The following HSF2BP variants were observed in gnomAD, a reference collection of about 807,000 sequenced individuals.
HSF2BP encodes heat shock transcription factor 2 binding protein.
In HSF2BP, 35 loss-of-function variants were observed where a neutral mutation model predicts 35.0. That is an observed-to-expected ratio of 1.00 (90% CI 0.76 to 1.32). The LOEUF (loss-of-function observed/expected upper bound fraction) is 1.32. Among genes scored for constraint, HSF2BP ranks in the 40% most tolerant of loss-of-function variants. The pLI is 0.00. For synonymous variants in HSF2BP, 114 were observed against 117.4 expected (o/e 0.97, Z 0.18); for missense variants, 326 against 321.7 (o/e 1.01, Z -0.10).
intron 4 of HSF2BP, among the ~76,000 whole-genome samples, chr21:43,642,795 CTTTTTTTTTTTTTTT>C (rs869086487): frequency 2.2e-5 from 2 of 92,128 alleles, no homozygotes; most frequent in African/African-American, 4.3e-5. Flanking sequence ...GGCTTCTTTT[CTTTTTTTTTTTTTTT>C]TTTTTTTGAG....
At chr21:43,623,659 A>G (rs931111477) in intron 6 of HSF2BP, among the ~76,000 whole-genome samples, 4 of 152,178 alleles carry the variant, frequency 2.6e-5, no homozygotes, top group African/African-American at 9.7e-5. Context: ...AAGGCTGGTG[A>G]TGAAGTCACC....
the HSF2BP span, among the ~76,000 whole-genome samples, chr21:43,468,074 C>G: frequency 7.0e-6 from 1 of 142,614 alleles, no homozygotes; most frequent in East Asian, 2.2e-4. Flanking sequence ...ATACCACAAA[C>G]CACACACAAC....
intron 5 of HSF2BP, among the ~76,000 whole-genome samples, chr21:43,631,259 C>T (rs2082452255): frequency 6.6e-6 from 1 of 152,142 alleles, no homozygotes; most frequent in African/African-American, 2.4e-5. Flanking sequence ...CACTGGTTTC[C>T]TGCCACACGT....
chr21:43,592,259 T>C lies in HSF2BP; in HGVS notation c.762A>G (p.Pro254=), dbSNP rs1305738927. 3 of 1,613,880 alleles carry C rather than the reference T, an allele frequency of 1.9e-6. No homozygotes were observed. Among genetic ancestry groups the C allele is most frequent in the Admixed American group, 3.3e-5 (2 of 60,014 alleles). The change falls in exon 8 of 9, where the codon CCA becomes CCG. Residue 254 remains proline, a synonymous_variant. Coordinates refer to ENST00000291560, the MANE Select transcript of HSF2BP (RefSeq NM_007031.2). The part of the protein sequence containing the change: ...LKGLKYISES[P]GFIPLLWWLL... ...GCCACCACAGCAAAGGGATGAATCC[T>C]GGACTCTCGCTGATGTATTTCAAGC...
At chr21:43,636,656 C>T (rs1451881135) in intron 4 of HSF2BP, among the ~76,000 whole-genome samples, 1 of 152,084 alleles carries the variant, frequency 6.6e-6, no homozygotes, top group African/African-American at 2.4e-5. Context: ...CTTTGAGAGG[C>T]CGAGGCAGGC....
chr21:43,656,587 T>G lies in HSF2BP; in HGVS notation c.187A>C (p.Asn63His). ...ATGACTGCTGAAAATGAAGACTCAC[T>G]TTTTTCTACAATCTTTAATTTCTGG... ...SFQKLKIVEKNLERKEQELEQ... is the reference protein window; with the variant it reads ...SFQKLKIVEKHLERKEQELEQ... Residue 63 changes from asparagine to histidine, a missense_variant and splice_region_variant, in exon 3 of 9, where the codon AAC (asparagine) becomes CAC (histidine). Transcript: ENST00000291560. The G allele has an allele frequency of 6.2e-7, 1 of 1,606,558 alleles. No individual in the cohort carries two copies. Among genetic ancestry groups the G allele is most frequent in the South Asian group, 1.1e-5 (1 of 88,476 alleles).
chr21:43,604,883 A>G (rs2082110231), intron 7 of HSF2BP, among the ~76,000 whole-genome samples: 1 of 139,604 alleles, frequency 7.2e-6, no homozygotes, highest in African/African-American at 2.7e-5. Flanking sequence ...CACACCATAC[A>G]CTACACACCA....
At chr21:43,646,302 C>A (rs1054952948) in intron 3 of HSF2BP, among the ~76,000 whole-genome samples, 4 of 152,034 alleles carry the variant, frequency 2.6e-5, no homozygotes, top group African/African-American at 9.7e-5. Context: ...TAATCCCAGC[C>A]AAAAAATCAA....
intron 8 of HSF2BP, among the ~76,000 whole-genome samples, chr21:43,587,665 C>CAAAAAAAAAAAAAAAAAAAAAAAAAAA (rs11292342): frequency 1.3e-5 from 1 of 79,098 alleles, no homozygotes; most frequent in African/African-American, 5.1e-5. Context: ...AATTCTGTCT[C>CAAAAAAAAAAAAAAAAAAAAAAAAAAA]AAAAAAAAAA....
intron 8 of HSF2BP, among the ~76,000 whole-genome samples, chr21:43,590,941 G>A (rs1462370521): frequency 6.6e-6 from 1 of 152,072 alleles, no homozygotes; most frequent in Non-Finnish European, 1.5e-5. Flanking sequence ...TAATTTTACA[G>A]GTGGACATTT....
At chr21:43,574,998 C>T (rs1309487714) in intron 8 of HSF2BP, among the ~76,000 whole-genome samples, 2 of 152,206 alleles carry the variant, frequency 1.3e-5, no homozygotes, top group East Asian at 1.9e-4. Context: ...TCACCGCATG[C>T]GCACAGGCAA....
At chr21:43,583,649 A>AAGGACCTGCTGAGGGAGATG (rs1265616755) in intron 8 of HSF2BP, among the ~76,000 whole-genome samples, 19 of 125,364 alleles carry the variant, frequency 1.5e-4, no homozygotes, top group Non-Finnish European at 2.7e-4. Context: ...GAGGGAGATG[A>AAGGACCTGCTGAGGGAGATG]AGGACCTGCT....
intron 4 of HSF2BP, among the ~76,000 whole-genome samples, chr21:43,637,768 G>A (rs1420605946): frequency 1.3e-5 from 2 of 150,434 alleles, no homozygotes; most frequent in Admixed American, 1.3e-4. Flanking sequence ...TCACACTACT[G>A]CACTCCAGCC....
intron 3 of HSF2BP, among the ~76,000 whole-genome samples, chr21:43,647,525 G>A (rs1426358886): frequency 2.6e-5 from 4 of 152,164 alleles, no homozygotes; most frequent in African/African-American, 2.4e-5. Context: ...GCTGCTGCAC[G>A]CAGTCCATAA....
chr21:43,574,421 G>A (rs1045462204), intron 8 of HSF2BP, among the ~76,000 whole-genome samples: 1 of 151,536 alleles, frequency 6.6e-6, no homozygotes, highest in Non-Finnish European at 1.5e-5. Flanking sequence ...GCAGTGGTGC[G>A]ATCTCGGATC....
intron 7 of HSF2BP, among the ~76,000 whole-genome samples, chr21:43,613,265 T>G (rs2082231651): frequency 6.6e-6 from 1 of 152,206 alleles, no homozygotes; most frequent in African/African-American, 2.4e-5. Context: ...GACCCACAGC[T>G]GACCAGCCAG....
At chr21:43,650,713 T>C (rs1271213196) in intron 3 of HSF2BP, among the ~76,000 whole-genome samples, 1 of 145,072 alleles carries the variant, frequency 6.9e-6, no homozygotes, top group Non-Finnish European at 1.5e-5. Context: ...TTTTTTTTTT[T>C]TTTTTTTTTT....
intron 3 of HSF2BP, among the ~76,000 whole-genome samples, chr21:43,653,587 G>A (rs1488177772): frequency 6.6e-6 from 1 of 152,224 alleles, no homozygotes; most frequent in African/African-American, 2.4e-5. Flanking sequence ...CCGTAGTATG[G>A]TTTTGCTTAG....
Position 43,578,458 on chromosome 21 carries a change from T to C in HSF2BP, c.796+13767A>G, listed in dbSNP as rs141207282. Among the ~76,000 whole-genome samples the C allele has an allele frequency of 2.6e-3, 388 of 152,108 alleles. 1 individual carries two copies. The highest frequency in any genetic ancestry group is 8.7e-3 in the African/African-American group (359 of 41,476). On this transcript the variant is annotated intron_variant, in intron 8 of 8. Coordinates refer to ENST00000291560, the MANE Select transcript of HSF2BP (RefSeq NM_007031.2). ...GGGAGGATGGAGCCCGGAATAAAGT[T>C]GGGGTTCTGTTAGAAATGAAGAAAG...
Sources: allele counts gnomAD v4.1 joint callset (sites outside exome capture counted in the v4.1 genomes callset), GRCh38; gene constraint gnomAD v4.1.1; transcripts MANE v1.5; gene names NCBI Gene and HGNC (gene_info 2026-07-23, HGNC 2026-07-21).